The following TAFA1 variants were observed in gnomAD, a reference collection of about 807,000 sequenced individuals.
The protein encoded by TAFA1 is TAFA chemokine like family member 1, also known as chemokine-like protein TAFA-1.
In TAFA1, 4 loss-of-function variants were observed where a neutral mutation model predicts 18.5. The observed-to-expected ratio is 0.22, with a 90% CI of 0.11 to 0.49. The LOEUF (loss-of-function observed/expected upper bound fraction) is 0.49, where lower values mean the gene tolerates loss of function less well. Among genes scored for constraint, TAFA1 ranks in the 20% least tolerant of loss-of-function variants. The pLI is 0.98. For missense variants in TAFA1, 147 were observed against 169.0 expected, an observed-to-expected ratio of 0.87 and a Z score of 0.72; for synonymous variants, 56 against 55.2, an observed-to-expected ratio of 1.01 and a Z score of -0.06.
intron 2 of TAFA1, among the ~76,000 whole-genome samples, chr3:68,116,039 G>A (rs889243799): frequency 2.0e-5 from 3 of 152,088 alleles, no homozygotes; most frequent in Admixed American, 1.3e-4. Context: ...GGCGGATCAC[G>A]AGGTCAGGAG....
intron 2 of TAFA1, among the ~76,000 whole-genome samples, chr3:68,295,784 A>AT (rs1388874274): frequency 2.0e-5 from 3 of 151,914 alleles, no homozygotes; most frequent in African/African-American, 4.8e-5. Context: ...TTTTCTTTCT[A>AT]TTTTTTGTAG....
intron 2 of TAFA1, among the ~76,000 whole-genome samples, chr3:68,263,446 T>TACACACACACACACAC (rs3033685): frequency 0.013 from 1,834 of 137,744 alleles, 44 homozygotes; most frequent in African/African-American, 0.034. Flanking sequence ...CACACACACA[T>TACACACACACACACAC]ACACACACAC....
intron 2 of TAFA1, among the ~76,000 whole-genome samples, chr3:68,383,049 T>C (rs1379863867): frequency 6.6e-6 from 1 of 152,164 alleles, no homozygotes; most frequent in African/African-American, 2.4e-5. Flanking sequence ...TGTACATTGA[T>C]TTTGTATCCT....
At chr3:68,222,834 A>T (rs1433430724) in intron 2 of TAFA1, among the ~76,000 whole-genome samples, 1 of 151,836 alleles carries the variant, frequency 6.6e-6, no homozygotes. Flanking sequence ...CACTATACCC[A>T]GTTAATTTTT....
Position 68,020,884 on chromosome 3 carries a change from T to C in TAFA1, c.118+14140T>C, listed in dbSNP as rs1704673293. On this transcript the variant is annotated intron_variant, in intron 2 of 4. Transcript: ENST00000478136. ...TAATTACAGGTGAAGGTGGTCTAGT[T>C]AAGAAGTTTAGTGGTGTCTGACCGG... Among the ~76,000 whole-genome samples, 4 of 152,070 alleles carry C rather than the reference T, an allele frequency of 2.6e-5. No homozygotes were observed. The South Asian group carries it at 8.3e-4, about 32-fold the overall frequency.
intron 2 of TAFA1, among the ~76,000 whole-genome samples, chr3:68,036,689 A>G (rs889885974): frequency 6.6e-6 from 1 of 152,058 alleles, no homozygotes; most frequent in Non-Finnish European, 1.5e-5. Flanking sequence ...GACTAGTTGC[A>G]CAATTACTGG....
intron 2 of TAFA1, among the ~76,000 whole-genome samples, chr3:68,400,316 T>C (rs7634382): frequency 0.019 from 2,872 of 152,282 alleles, 91 homozygotes; most frequent in African/African-American, 0.066. Context: ...TACAGATAAG[T>C]AAATTAAGGT....
intron 2 of TAFA1, among the ~76,000 whole-genome samples, chr3:68,322,714 A>G (rs2068714408): frequency 6.6e-6 from 1 of 152,258 alleles, no homozygotes; most frequent in South Asian, 2.1e-4. Context: ...AGGCCGAGGC[A>G]GGTGGATTAC....
intron 2 of TAFA1, among the ~76,000 whole-genome samples, chr3:68,328,825 A>G (rs2068815614): frequency 6.6e-6 from 1 of 152,156 alleles, no homozygotes; most frequent in Non-Finnish European, 1.5e-5. Context: ...ACTAGAAATT[A>G]GAGCTTAATG....
At chr3:68,479,146 G>A (rs1489279705) in intron 3 of TAFA1, among the ~76,000 whole-genome samples, 4 of 147,870 alleles carry the variant, frequency 2.7e-5, no homozygotes, top group South Asian at 4.2e-4. Flanking sequence ...CAGGAGAATC[G>A]CTTGAACCCA....
At chr3:68,082,127 C>T (rs1211143791) in intron 2 of TAFA1, among the ~76,000 whole-genome samples, 1 of 152,244 alleles carries the variant, frequency 6.6e-6, no homozygotes, top group African/African-American at 2.4e-5. Context: ...AACTCCCTGA[C>T]CCCTTGCGCT....
At chr3:68,108,435 G>GGTGTGTGTGT (rs59097248) in intron 2 of TAFA1, among the ~76,000 whole-genome samples, 1 of 141,114 alleles carries the variant, frequency 7.1e-6, no homozygotes, top group Admixed American at 7.4e-5. Flanking sequence ...TTTATTTGAA[G>GGTGTGTGTGT]GTGTGTGTGT....
At chr3:68,015,595 C>A (rs779708140) in intron 2 of TAFA1, among the ~76,000 whole-genome samples, 12 of 152,096 alleles carry the variant, frequency 7.9e-5, no homozygotes, top group Non-Finnish European at 1.8e-4. Flanking sequence ...GCCTAATTTT[C>A]TTCTTGATTA....
chr3:68,154,192 C>T (rs1455824012), intron 2 of TAFA1, among the ~76,000 whole-genome samples: 1 of 152,132 alleles, frequency 6.6e-6, no homozygotes, highest in Non-Finnish European at 1.5e-5. Flanking sequence ...AGATAACCCT[C>T]CTTCATCCTC....
At chr3:68,127,672 G>GGTA in intron 2 of TAFA1, among the ~76,000 whole-genome samples, 1 of 149,490 alleles carries the variant, frequency 6.7e-6, no homozygotes, top group Non-Finnish European at 1.5e-5. Context: ...GTGTGATGAT[G>GGTA]GTGGTGGTGG....
chr3:68,226,741 T>C (rs2066806024), intron 2 of TAFA1, among the ~76,000 whole-genome samples: 1 of 152,156 alleles, frequency 6.6e-6, no homozygotes, highest in African/African-American at 2.4e-5. Context: ...TCTTTTGAAG[T>C]CAGACAAATG....
intron 3 of TAFA1, among the ~76,000 whole-genome samples, chr3:68,425,962 T>C (rs562876426): frequency 9.6e-4 from 146 of 152,016 alleles, no homozygotes; most frequent in African/African-American, 3.3e-3. Context: ...TGCCTGGTCC[T>C]TAAAGGCAAT....
At chr3:68,520,752 T>C (rs1342600375) in intron 3 of TAFA1, among the ~76,000 whole-genome samples, 2 of 152,060 alleles carry the variant, frequency 1.3e-5, no homozygotes, top group Non-Finnish European at 2.9e-5. Flanking sequence ...GGACACATGA[T>C]AAGGACAGAA....
chr3:68,069,224 A>G (rs569483421), intron 2 of TAFA1, among the ~76,000 whole-genome samples: 1 of 152,308 alleles, frequency 6.6e-6, no homozygotes, highest in South Asian at 2.1e-4. Flanking sequence ...ATACAGCAGA[A>G]AGGGTTTAAG....
Sources: gnomAD v4.1 joint callset for allele counts (sites outside exome capture counted in the v4.1 genomes callset) on GRCh38, gnomAD v4.1.1 for gene constraint, MANE v1.5 for transcripts, NCBI Gene and HGNC (gene_info 2026-07-23, HGNC 2026-07-21) for gene names.